Variants in TAF3 observed in about 807,000 individuals in gnomAD.
The protein encoded by TAF3 is transcription initiation factor TFIID subunit 3.
Under a neutral mutation model 80.6 loss-of-function variants are expected in TAF3, and 7 were observed. The ratio of observed to expected loss-of-function variants is 0.09; its 90% confidence interval spans 0.05 to 0.16. The LOEUF (loss-of-function observed/expected upper bound fraction) is 0.16, where lower values mean the gene tolerates loss of function less well. Among genes scored for constraint, TAF3 ranks in the 10% least tolerant of loss-of-function variants. The probability of loss-of-function intolerance (pLI) is 1.00; values close to 1 mark genes in which losing one functional copy is unlikely to be tolerated. For synonymous variants in TAF3, 444 were observed against 446.1 expected (o/e 1.00, Z 0.06); for missense variants, 921 against 1,140.2 (o/e 0.81, Z 2.77).
At chr10:7,904,011 G>A (rs970550551) in intron 2 of TAF3, among the ~76,000 whole-genome samples, 1 of 152,186 alleles carries the variant, frequency 6.6e-6, no homozygotes, top group African/African-American at 2.4e-5. Context: ...AAGTTTCACG[G>A]TGCGTCTGAG....
chr10:7,828,704 G>C (rs980932082), intron 2 of TAF3, among the ~76,000 whole-genome samples: 13 of 151,516 alleles, frequency 8.6e-5, no homozygotes, highest in African/African-American at 3.2e-4. Context: ...GGGTCTTCTG[G>C]GGGGGTCTGT....
chr10:7,884,392 C>CT lies in TAF3; in HGVS notation c.409+59843dup, dbSNP rs61498355. ...CCGTTTCTCCAAAGAGCTCTGCCTC[C>CT]TTTTTTTTTTTGAGATGGAGTTTTG... On this transcript the variant is annotated intron_variant, in intron 2 of 6. Transcript: ENST00000344293. Among the ~76,000 whole-genome samples, 1,022 of 120,494 alleles carry CT rather than the reference C, an allele frequency of 8.5e-3. 26 individuals carry two copies. Among genetic ancestry groups the CT allele is most frequent in the African/African-American group, 0.027 (931 of 35,022 alleles). The allele number at this position is 120,494 out of a possible 152,430, so 79.0% of individuals were successfully genotyped here. A position where few individuals can be genotyped will look rare whatever the true frequency, so the allele number is the denominator to read the frequency against.
chr10:7,977,225 G>A lies in TAF3; in HGVS notation c.2233-16G>A, dbSNP rs757887567. ...TTGAAAAACCATATTGAACTTTAAT[G>A]TGCTAACTTCCACAGATAAAAGTGG... On this transcript the variant is annotated splice_polypyrimidine_tract_variant and intron_variant, in intron 3 of 6. Coordinates refer to ENST00000344293, the MANE Select transcript of TAF3 (RefSeq NM_031923.4). 17 of 1,613,554 alleles carry A rather than the reference G, an allele frequency of 1.1e-5. No homozygotes were observed. In the Admixed American group the frequency reaches 2.5e-4, roughly 24 times the overall value.
At chr10:7,910,031 A>G (rs908309376) in intron 2 of TAF3, among the ~76,000 whole-genome samples, 9 of 152,182 alleles carry the variant, frequency 5.9e-5, no homozygotes, top group African/African-American at 2.2e-4. Context: ...TGCTATGTAA[A>G]TAGTTGTTAT....
intron 2 of TAF3, among the ~76,000 whole-genome samples, chr10:7,935,936 G>T (rs1837915283): frequency 6.6e-6 from 1 of 152,194 alleles, no homozygotes; most frequent in African/African-American, 2.4e-5. Context: ...GGGAAGCCCT[G>T]CGTGGAGGAG....
At chr10:7,841,162 T>G (rs1419789287) in intron 2 of TAF3, among the ~76,000 whole-genome samples, 1 of 152,260 alleles carries the variant, frequency 6.6e-6, no homozygotes, top group Non-Finnish European at 1.5e-5. Flanking sequence ...AGAGCTTTCC[T>G]ATTTCAGATA....
rs761246818 is a variant in TAF3, at chr10:8,013,788, G to A, written c.2626G>A (p.Asp876Asn). The part of the protein sequence containing the change: ...WICPGCNKPD[D>N]GSPMIGCDDC... ...CTGCCCTGGGTGTAACAAGCCTGAC[G>A]ATGGGAGTCCCATGATTGGGTGTGA... Residue 876 changes from aspartate (D) to asparagine (N), a missense_variant, in exon 6 of 7, where the codon GAT becomes AAT. Around this residue, in one of 6 missense-constraint regions of TAF3, gnomAD observed 5 missense variants for 44.3 expected, o/e 0.11. Transcript: ENST00000344293. 1.2e-6 allele frequency: 2 copies of A among 1,614,040 alleles called. No homozygotes were observed. The highest frequency in any genetic ancestry group is 2.7e-5 in the African/African-American group (2 of 74,922).
At chr10:7,903,860 A>T (rs1164581203) in intron 2 of TAF3, among the ~76,000 whole-genome samples, 3 of 151,370 alleles carry the variant, frequency 2.0e-5, no homozygotes, top group Non-Finnish European at 2.9e-5. Flanking sequence ...AGGGGCTTAC[A>T]GTCTCTCGGG....
chr10:7,948,759 A>G (rs578041516), intron 2 of TAF3, among the ~76,000 whole-genome samples: 1 of 152,376 alleles, frequency 6.6e-6, no homozygotes, highest in African/African-American at 2.4e-5. Flanking sequence ...TATCAAATTT[A>G]TCACTGGGTA....
At chr10:7,902,428 A>G (rs957623669) in intron 2 of TAF3, among the ~76,000 whole-genome samples, 1 of 152,210 alleles carries the variant, frequency 6.6e-6, no homozygotes, top group African/African-American at 2.4e-5. Flanking sequence ...TGTCTTAAAA[A>G]AAAATAATAA....
chr10:7,860,183 G>A (rs890722498), intron 2 of TAF3, among the ~76,000 whole-genome samples: 1 of 151,496 alleles, frequency 6.6e-6, no homozygotes, highest in African/African-American at 2.4e-5. Context: ...GAAGTGGGAG[G>A]ATTGCTGAAG....
At chr10:7,821,785 A>G (rs1297318814) in intron 1 of TAF3, among the ~76,000 whole-genome samples, 1 of 152,218 alleles carries the variant, frequency 6.6e-6, no homozygotes. Flanking sequence ...GGATAAGAGG[A>G]GAGATGGCTG....
intron 2 of TAF3, among the ~76,000 whole-genome samples, chr10:7,895,222 C>A (rs1003815340): frequency 6.6e-6 from 1 of 152,112 alleles, no homozygotes; most frequent in Admixed American, 6.6e-5. Context: ...TGAGTCCTAA[C>A]CCCTTGTTTT....
Position 8,009,451 on chromosome 10 carries a change from T to A in TAF3, c.2568+121T>A. 1 of 1,349,418 alleles carries A rather than the reference T, an allele frequency of 7.4e-7. No individual in the cohort carries two copies. Among genetic ancestry groups the A allele is most frequent in the Non-Finnish European group, 9.7e-7 (1 of 1,030,332 alleles). 83.6% of individuals were successfully genotyped at this position (1,349,418 alleles called of 1,614,324 possible). The stretch of plus-strand genomic sequence containing the variant: ...CTTCAAAATTTTATTATTTACTTAA[T>A]TATTTTTGAGACAGGGTCTCCCTGT... On this transcript the variant is annotated intron_variant, in intron 5 of 6. Coordinates refer to ENST00000344293, the MANE Select transcript of TAF3 (RefSeq NM_031923.4). This position sits in a 1 kb window ranked among gnomAD's most constrained non-coding sequence, Gnocchi z 4.1.
chr10:7,890,734 A>C (rs1837450576), intron 2 of TAF3, among the ~76,000 whole-genome samples: 1 of 152,218 alleles, frequency 6.6e-6, no homozygotes, highest in African/African-American at 2.4e-5. Context: ...AGAATTCTTC[A>C]AATTTTAACT....
chr10:8,015,087 T>G lies in TAF3; in HGVS notation c.*336T>G. 5.2e-6 allele frequency: 1 copy of G among 191,310 alleles called. No individual in the cohort carries two copies. The highest frequency in any genetic ancestry group is 1.1e-5 in the Non-Finnish European group (1 of 90,762). The allele number at this position is 191,310 out of a possible 1,614,324, so 11.9% of individuals were successfully genotyped here. ...TTTCCTTTATTCTCTCCAGGGCCTT[T>G]TCATTGAGGTATTAGATGAGAAGAT... On this transcript the variant is annotated 3_prime_UTR_variant, in exon 7 of 7. Coordinates refer to ENST00000344293, the MANE Select transcript of TAF3 (RefSeq NM_031923.4).
intron 4 of TAF3, among the ~76,000 whole-genome samples, chr10:7,978,765 C>T (rs886550259): frequency 6.6e-6 from 1 of 152,214 alleles, no homozygotes; most frequent in African/African-American, 2.4e-5. Context: ...TCAACAAGTA[C>T]TTTTCTCCTG....
intron 2 of TAF3, among the ~76,000 whole-genome samples, chr10:7,825,106 G>A (rs1309627490): frequency 6.6e-6 from 1 of 152,120 alleles, no homozygotes; most frequent in Admixed American, 6.5e-5. Flanking sequence ...CAGTCCAATT[G>A]CAGAGTTCCC....
At chr10:7,840,239 A>G (rs1253126619) in intron 2 of TAF3, among the ~76,000 whole-genome samples, 1 of 150,460 alleles carries the variant, frequency 6.6e-6, no homozygotes, top group Non-Finnish European at 1.5e-5. Flanking sequence ...TGCAAACTCC[A>G]CCTCATGGGT....
Sources: allele counts gnomAD v4.1 joint callset (sites outside exome capture counted in the v4.1 genomes callset), GRCh38; gene constraint gnomAD v4.1.1; regional missense constraint gnomAD v4.1.1; non-coding constraint Gnocchi (gnomAD v3.1); transcripts MANE v1.5; gene names NCBI Gene and HGNC (gene_info 2026-07-23, HGNC 2026-07-21).